DLGAP2: variants seen among roughly 807,000 people sequenced by gnomAD.
DLGAP2 encodes disks large-associated protein 2.
DLGAP2 carries 26 observed loss-of-function variants against 100.3 expected under a neutral mutation model. The observed-to-expected ratio is 0.26, with a 90% CI of 0.19 to 0.36. DLGAP2 has a LOEUF of 0.36. Among genes scored for constraint, DLGAP2 ranks in the 10% least tolerant of loss-of-function variants. DLGAP2 has a pLI of 1.00. For missense variants in DLGAP2, 1,858 were observed against 1,453.2 expected (o/e 1.28, Z -4.53); for synonymous variants, 886 against 630.1 (o/e 1.41, Z -6.08).
chr8:1,655,557 A>G (rs2130816600), intron 8 of DLGAP2, among the ~76,000 whole-genome samples: 1 of 152,362 alleles, frequency 6.6e-6, no homozygotes, highest in East Asian at 1.9e-4. Flanking sequence ...CAAGCATTGA[A>G]TTCAGAAGTG....
chr8:1,251,183 A>G (rs754883141), intron 2 of DLGAP2, among the ~76,000 whole-genome samples: 7 of 152,216 alleles, frequency 4.6e-5, no homozygotes, highest in Non-Finnish European at 1.0e-4. Flanking sequence ...ACTAACTTCT[A>G]AAAATTTACT....
At chr8:1,329,433 T>C (rs569771067) in intron 3 of DLGAP2, among the ~76,000 whole-genome samples, 6 of 152,364 alleles carry the variant, frequency 3.9e-5, no homozygotes, top group African/African-American at 1.4e-4. Flanking sequence ...AAGGTCATTT[T>C]AGACCAAAAT....
At chr8:1,001,633 A>G (rs1234298012) in intron 2 of DLGAP2, among the ~76,000 whole-genome samples, 3 of 152,222 alleles carry the variant, frequency 2.0e-5, no homozygotes, top group Non-Finnish European at 4.4e-5. Flanking sequence ...TTAGAACTAC[A>G]TTTATTTTAG....
chr8:970,126 TC>T (rs1799977428), intron 2 of DLGAP2, among the ~76,000 whole-genome samples: 1 of 152,164 alleles, frequency 6.6e-6, no homozygotes, highest in Non-Finnish European at 1.5e-5. Flanking sequence ...CCACCGGCAT[TC>T]ATTTTGGAGC....
At chr8:941,832 A>G (rs573436053) in intron 2 of DLGAP2, among the ~76,000 whole-genome samples, 2 of 150,504 alleles carry the variant, frequency 1.3e-5, no homozygotes, top group African/African-American at 4.9e-5. Flanking sequence ...TTTTTTTTTG[A>G]AAATCCTCCC....
chr8:1,231,922 C>A (rs1235188299), intron 2 of DLGAP2, among the ~76,000 whole-genome samples: 1 of 152,048 alleles, frequency 6.6e-6, no homozygotes, highest in South Asian at 2.1e-4. Flanking sequence ...ACCCAGGTAA[C>A]AAACCTGCAC....
At chr8:1,084,548 C>T (rs995750733) in intron 2 of DLGAP2, among the ~76,000 whole-genome samples, 2 of 152,214 alleles carry the variant, frequency 1.3e-5, no homozygotes, top group Non-Finnish European at 2.9e-5. Context: ...ATCCCCCAGC[C>T]TCGGGTGACC....
At chr8:1,576,038 G>C (rs1401339741) in intron 6 of DLGAP2, among the ~76,000 whole-genome samples, 1 of 152,094 alleles carries the variant, frequency 6.6e-6, no homozygotes, top group East Asian at 1.9e-4. Flanking sequence ...TTGAGGAATC[G>C]CCACACTGTC....
chr8:1,678,602 G>A lies in DLGAP2; in HGVS notation c.2677G>A (p.Ala893Thr). Residue 893 changes from alanine (A) to threonine (T), a missense_variant, in exon 12 of 15, where the codon GCG becomes ACG. Ala to Thr is a moderately conservative substitution (Grantham distance 58, BLOSUM62 0). Coordinates refer to ENST00000637795, the MANE Select transcript of DLGAP2 (RefSeq NM_001346810.2). Reference sequence around the variant, plus strand: ...CTGGTGCAAAGAGATGGAGAGAGAGGCGGAGGAGAACGACCTCTCGGAGGA... The same window carrying A: ...CTGGTGCAAAGAGATGGAGAGAGAGACGGAGGAGAACGACCTCTCGGAGGA... Reference protein sequence around the residue: ...EGWCKEMEREAEENDLSEEIL... With the variant: ...EGWCKEMERETEENDLSEEIL... 1.3e-6 allele frequency: 2 copies of A among 1,564,802 alleles called. No individual in the cohort carries two copies. The highest frequency in any genetic ancestry group is 1.2e-5 in the South Asian group (1 of 84,608).
chr8:822,469 C>T (rs935348444), intron 1 of DLGAP2, among the ~76,000 whole-genome samples: 1 of 152,216 alleles, frequency 6.6e-6, no homozygotes, highest in Non-Finnish European at 1.5e-5. Context: ...TGTTTAAAAA[C>T]TTCTCATGCG....
At chr8:817,297 C>G (rs1796500372) in intron 1 of DLGAP2, among the ~76,000 whole-genome samples, 1 of 152,182 alleles carries the variant, frequency 6.6e-6, no homozygotes, top group Non-Finnish European at 1.5e-5. Flanking sequence ...TAAGTTTGAA[C>G]TTGATTTCCA....
intron 2 of DLGAP2, among the ~76,000 whole-genome samples, chr8:1,128,684 T>A: frequency 6.6e-6 from 1 of 152,240 alleles, no homozygotes; most frequent in Non-Finnish European, 1.5e-5. Flanking sequence ...GATATGAGAT[T>A]GATTTAGCTA....
chr8:834,464 G>A (rs1288352681), intron 1 of DLGAP2, among the ~76,000 whole-genome samples: 1 of 152,222 alleles, frequency 6.6e-6, no homozygotes, highest in African/African-American at 2.4e-5. Flanking sequence ...CATCATTCAG[G>A]ACATTTTTGA....
intron 3 of DLGAP2, among the ~76,000 whole-genome samples, chr8:1,481,838 T>A (rs968690021): frequency 6.6e-6 from 1 of 152,168 alleles, no homozygotes; most frequent in African/African-American, 2.4e-5. Flanking sequence ...CTCTGACTCC[T>A]TGGCTGGCCC....
At chr8:1,526,046 G>A (rs1287610963) in intron 4 of DLGAP2, among the ~76,000 whole-genome samples, 9 of 151,750 alleles carry the variant, frequency 5.9e-5, no homozygotes, top group African/African-American at 9.7e-5. Flanking sequence ...ACTCCAAAGC[G>A]CTCCAGTGAG....
intron 4 of DLGAP2, among the ~76,000 whole-genome samples, chr8:1,509,632 C>G (rs551412024): frequency 2.6e-4 from 39 of 152,160 alleles, no homozygotes; most frequent in African/African-American, 9.4e-4. Context: ...CAGGCAAAGC[C>G]TCCGCACATA....
chr8:1,383,986 G>A (rs565571875), intron 3 of DLGAP2, among the ~76,000 whole-genome samples: 1 of 152,138 alleles, frequency 6.6e-6, no homozygotes, highest in Non-Finnish European at 1.5e-5. Context: ...CTGGGGTTTT[G>A]GTGTCTGTAC....
At chr8:1,194,524 G>C (rs1797709263) in intron 2 of DLGAP2, among the ~76,000 whole-genome samples, 1 of 152,122 alleles carries the variant, frequency 6.6e-6, no homozygotes, top group Non-Finnish European at 1.5e-5. Flanking sequence ...GTCACTCCTT[G>C]TGATGTGAAG....
intron 3 of DLGAP2, among the ~76,000 whole-genome samples, chr8:1,461,077 G>C (rs1170953680): frequency 6.6e-6 from 1 of 151,198 alleles, no homozygotes; most frequent in Non-Finnish European, 1.5e-5. Flanking sequence ...GGCGGCATTT[G>C]GGTTGGGAGA....
Sources: gnomAD v4.1 joint callset for allele counts (sites outside exome capture counted in the v4.1 genomes callset) on GRCh38, gnomAD v4.1.1 for gene constraint, MANE v1.5 for transcripts, NCBI Gene and HGNC (gene_info 2026-07-23, HGNC 2026-07-21) for gene names.